The following FOXP1 variants were observed in gnomAD, a reference collection of about 807,000 sequenced individuals.
The protein encoded by FOXP1 is forkhead box protein P1.
FOXP1 carries 15 observed loss-of-function variants against 98.2 expected under a neutral mutation model. The ratio of observed to expected loss-of-function variants is 0.15; its 90% CI spans 0.10 to 0.24. The LOEUF (loss-of-function observed/expected upper bound fraction) is 0.24, where lower values mean the gene tolerates loss of function less well. Ranked by LOEUF, FOXP1 falls within the 10% of genes least tolerant of loss-of-function variation. The pLI is 1.00. For synonymous variants in FOXP1, 371 were observed against 314.5 expected, an observed-to-expected ratio of 1.18 and a Z score of -1.90; for missense variants, 633 against 848.5, an observed-to-expected ratio of 0.75 and a Z score of 3.15.
chr3:71,197,874 G>A (rs374811278), intron 6 of FOXP1: 19 of 1,613,560 alleles, frequency 1.2e-5, no homozygotes, highest in Admixed American at 8.3e-5. Context: ...TGAAAGCAGT[G>A]GGAACCATTT....
intron 6 of FOXP1, among the ~76,000 whole-genome samples, chr3:71,135,425 A>G (rs2059777406): frequency 6.6e-6 from 1 of 152,086 alleles, no homozygotes; most frequent in South Asian, 2.1e-4. Flanking sequence ...GGAAAAAAGT[A>G]AACAGGCCCC....
At position 71,092,968 on chromosome 3, in the gene FOXP1, A is replaced by G. The variant is rs780667148; in HGVS notation, c.282+19568T>C. On this transcript the variant is annotated intron_variant, in intron 7 of 20. Coordinates refer to ENST00000649528, the MANE Select transcript of FOXP1 (RefSeq NM_001349338.3). Reference sequence around the variant, plus strand: ...AAGACATATTTACCAAATGCTTTAAAAGGCAAAAAAGCTCAGGCGTGGTGG... The same window carrying G: ...AAGACATATTTACCAAATGCTTTAAGAGGCAAAAAAGCTCAGGCGTGGTGG... Among the ~76,000 whole-genome samples the G allele has an allele frequency of 7.2e-5, 11 of 152,226 alleles. 1 individual carries two copies. Among genetic ancestry groups the G allele is most frequent in the Non-Finnish European group, 1.5e-5 (1 of 68,050 alleles).
intron 4 of FOXP1, among the ~76,000 whole-genome samples, chr3:71,348,559 G>A (rs1425214660): frequency 6.5e-5 from 9 of 139,212 alleles, no homozygotes; most frequent in South Asian, 2.2e-4. Context: ...GCGTGCGCGC[G>A]CGCACGCATA....
chr3:71,477,317 T>C (rs1577726246), intron 3 of FOXP1, among the ~76,000 whole-genome samples: 1 of 152,220 alleles, frequency 6.6e-6, no homozygotes, highest in Admixed American at 6.5e-5. Context: ...CATAGAATTC[T>C]TTCATCTCCA....
intron 5 of FOXP1, among the ~76,000 whole-genome samples, chr3:71,281,021 G>A (rs576782569): frequency 1.1e-4 from 15 of 138,432 alleles, no homozygotes; most frequent in Admixed American, 3.0e-4. Flanking sequence ...TGGGCAACAT[G>A]GCAAAGCCCC....
intron 13 of FOXP1, among the ~76,000 whole-genome samples, chr3:71,000,722 T>G (rs1185239518): frequency 1.3e-5 from 2 of 151,294 alleles, no homozygotes; most frequent in Admixed American, 6.6e-5. Flanking sequence ...TACACACAGG[T>G]GCCCAGAATT....
intron 5 of FOXP1, among the ~76,000 whole-genome samples, chr3:71,214,345 C>A (rs1046260614): frequency 6.6e-6 from 1 of 152,172 alleles, no homozygotes; most frequent in Non-Finnish European, 1.5e-5. Flanking sequence ...AAAGACAGGG[C>A]TTGAGGTGCC....
rs1190288554 is a variant in FOXP1, at chr3:70,958,867, C to T, written c.*380G>A. 5.0e-6 allele frequency: 2 copies of T among 399,434 alleles called. No individual in the cohort carries two copies. The highest frequency in any genetic ancestry group is 4.0e-5 in the African/African-American group (2 of 49,416). 24.7% of individuals were successfully genotyped at this position (399,434 alleles called of 1,614,324 possible). A position where few individuals can be genotyped will look rare whatever the true frequency, so the allele number is the denominator to read the frequency against. On this transcript the variant is annotated 3_prime_UTR_variant, in exon 21 of 21. Transcript: ENST00000649528. Reference sequence around the variant, plus strand: ...AAAGGCTTGGTCTGCAGCTTAGGTGCACAAGCTCTGTCGGGCGTCCTCAGT... The same window carrying T: ...AAAGGCTTGGTCTGCAGCTTAGGTGTACAAGCTCTGTCGGGCGTCCTCAGT...
intron 11 of FOXP1, among the ~76,000 whole-genome samples, chr3:71,033,162 G>A (rs111727432): frequency 0.012 from 1,779 of 152,184 alleles, 30 homozygotes; most frequent in African/African-American, 0.038. Context: ...CCACTCAAGC[G>A]CAAATACTTG....
intron 2 of FOXP1, among the ~76,000 whole-genome samples, chr3:71,520,395 T>C (rs1205063653): frequency 2.0e-5 from 3 of 152,188 alleles, no homozygotes; most frequent in Non-Finnish European, 2.9e-5. Context: ...TCATTCCAAA[T>C]ACAAGGGAAA....
At chr3:71,265,003 A>C (rs1184473745) in intron 5 of FOXP1, among the ~76,000 whole-genome samples, 5 of 152,196 alleles carry the variant, frequency 3.3e-5, no homozygotes, top group Admixed American at 6.5e-5. Context: ...AGTCTGGCTC[A>C]TCTGATTCTA....
intron 12 of FOXP1, among the ~76,000 whole-genome samples, chr3:71,007,059 G>A (rs182361158): frequency 5.9e-5 from 9 of 152,056 alleles, no homozygotes; most frequent in Admixed American, 5.9e-4. Context: ...TACTAAGAAA[G>A]GTCTTGAACT....
chr3:70,978,574 T>A (rs1298664427), intron 14 of FOXP1, among the ~76,000 whole-genome samples: 1 of 152,156 alleles, frequency 6.6e-6, no homozygotes, highest in Admixed American at 6.5e-5. Context: ...AAGAGCCCCA[T>A]GTGGCTAGTA....
intron 6 of FOXP1, among the ~76,000 whole-genome samples, chr3:71,163,210 C>T (rs985448659): frequency 1.3e-5 from 2 of 152,238 alleles, no homozygotes; most frequent in South Asian, 2.1e-4. Context: ...CTTTAACAGT[C>T]CTGATACTTC....
intron 2 of FOXP1, among the ~76,000 whole-genome samples, chr3:71,561,496 G>C (rs747625770): frequency 6.0e-5 from 9 of 150,524 alleles, no homozygotes; most frequent in Non-Finnish European, 1.2e-4. Context: ...TATTTTAGAT[G>C]AAATAGGAAA....
chr3:71,314,304 G>A (rs2074916997), intron 4 of FOXP1, among the ~76,000 whole-genome samples: 1 of 152,140 alleles, frequency 6.6e-6, no homozygotes, highest in African/African-American at 2.4e-5. Context: ...GCTGAGGTGG[G>A]CGGATCTCAA....
intron 14 of FOXP1, among the ~76,000 whole-genome samples, chr3:70,981,793 G>A (rs1044797139): frequency 2.0e-5 from 3 of 152,150 alleles, no homozygotes; most frequent in African/African-American, 7.2e-5. Flanking sequence ...GAAAACTAAT[G>A]ACACATATAC....
In FOXP1 at chr3:71,564,025, C is replaced by G. The variant is rs192916520; in HGVS notation, c.-298+17524G>C. Among the ~76,000 whole-genome samples the G allele has an allele frequency of 2.6e-5, 4 of 152,226 alleles. No homozygotes were observed. In the East Asian group the frequency reaches 7.7e-4, roughly 29 times the overall value. Reference sequence around the variant, plus strand: ...TGGCACCATTTGAATGAGGTTCCCTCAGGCCACTTAAGGTTTCACTTCCTG... The same window carrying G: ...TGGCACCATTTGAATGAGGTTCCCTGAGGCCACTTAAGGTTTCACTTCCTG... On this transcript the variant is annotated intron_variant, in intron 2 of 20. Coordinates refer to ENST00000649528, the MANE Select transcript of FOXP1 (RefSeq NM_001349338.3).
intron 6 of FOXP1, among the ~76,000 whole-genome samples, chr3:71,193,213 T>C (rs139284461): frequency 0.15 from 16,120 of 108,508 alleles, 1,958 homozygotes; most frequent in African/African-American, 0.26. Context: ...AGTGGTGGGA[T>C]CTCGGCTCAC....
Sources: allele counts gnomAD v4.1 joint callset (sites outside exome capture counted in the v4.1 genomes callset), GRCh38; gene constraint gnomAD v4.1.1; transcripts MANE v1.5; gene names NCBI Gene and HGNC (gene_info 2026-07-23, HGNC 2026-07-21).